GPR158: variants seen among roughly 807,000 people sequenced by gnomAD.
GPR158 encodes metabotropic glycine receptor.
A neutral mutation model predicts 78.2 loss-of-function variants in GPR158; 30 were observed. The ratio of observed to expected loss-of-function variants is 0.38; its 90% confidence interval spans 0.29 to 0.52. The LOEUF (loss-of-function observed/expected upper bound fraction) is 0.52. Ranked by LOEUF, GPR158 falls within the 20% of genes least tolerant of loss-of-function variation. The pLI, the probability that GPR158 is intolerant of heterozygous loss-of-function variation, is 0.83. For synonymous variants in GPR158, 581 were observed against 591.1 expected, an observed-to-expected ratio of 0.98 and a Z score of 0.25; for missense variants, 1,463 against 1,523.5, an observed-to-expected ratio of 0.96 and a Z score of 0.66.
intron 4 of GPR158, among the ~76,000 whole-genome samples, chr10:25,428,676 A>T (rs1834854950): frequency 1.3e-5 from 2 of 152,090 alleles, no homozygotes; most frequent in Admixed American, 1.3e-4. Flanking sequence ...GGACCATTTC[A>T]AGAGTTACCA....
At chr10:25,271,767 T>C (rs111982067) in intron 2 of GPR158, among the ~76,000 whole-genome samples, 2,472 of 152,172 alleles carry the variant, frequency 0.016, 63 homozygotes, top group African/African-American at 0.057. Context: ...GTTCAAGCAA[T>C]TCTCCTGCCT....
At chr10:25,518,338 G>A (rs1401070857) in intron 5 of GPR158, among the ~76,000 whole-genome samples, 5 of 84,010 alleles carry the variant, frequency 6.0e-5, no homozygotes, top group Non-Finnish European at 1.1e-4. Context: ...TGGATTCATT[G>A]ATTTTTTGAA....
At chr10:25,212,390 A>G (rs1276989274) in intron 1 of GPR158, among the ~76,000 whole-genome samples, 3 of 152,134 alleles carry the variant, frequency 2.0e-5, no homozygotes, top group Admixed American at 6.5e-5. Context: ...CACCATCACA[A>G]GAACAGCACT....
intron 1 of GPR158, among the ~76,000 whole-genome samples, chr10:25,183,590 T>C (rs904647005): frequency 1.3e-5 from 2 of 152,218 alleles, no homozygotes; most frequent in Admixed American, 6.5e-5. Flanking sequence ...TTCTATTTAA[T>C]TGAGATCCAA....
At chr10:25,477,637 T>C (rs1835606832) in intron 5 of GPR158, among the ~76,000 whole-genome samples, 1 of 152,080 alleles carries the variant, frequency 6.6e-6, no homozygotes, top group Admixed American at 6.6e-5. Context: ...CCATCTCACT[T>C]GGTGCCCTTT....
At chr10:25,295,572 C>G (rs977351783) in intron 2 of GPR158, among the ~76,000 whole-genome samples, 5 of 152,074 alleles carry the variant, frequency 3.3e-5, no homozygotes, top group Non-Finnish European at 7.4e-5. Context: ...CGCCACTACG[C>G]CCGGCTAATT....
intron 5 of GPR158, among the ~76,000 whole-genome samples, chr10:25,505,838 G>A (rs980956395): frequency 6.6e-6 from 1 of 151,976 alleles, no homozygotes; most frequent in Non-Finnish European, 1.5e-5. Context: ...GTCCTGTAAG[G>A]CTCAACTCAG....
chr10:25,489,944 C>T (rs2987838), intron 5 of GPR158, among the ~76,000 whole-genome samples: 70,059 of 151,946 alleles, frequency 0.46, 16,818 homozygotes, highest in East Asian at 0.8. Flanking sequence ...GAAAGATTTA[C>T]TGACTAGTAC....
At position 25,536,497 on chromosome 10, in the gene GPR158, G is replaced by A. The variant is rs116802843; in HGVS notation, c.1405-14479G>A. On this transcript the variant is annotated intron_variant, in intron 5 of 10. Transcript: ENST00000376351. ...AAGTCTCCAGTTTCTAATGGCCTTC[G>A]TTAACATCCCATTTACCAACTCTTG... 1.4e-3 allele frequency among the ~76,000 whole-genome samples: 216 copies of A among 152,214 alleles called. 1 individual carries two copies. Among genetic ancestry groups the A allele is most frequent in the African/African-American group, 4.8e-3 (200 of 41,540 alleles).
chr10:25,297,332 TCATAC>T, intron 2 of GPR158, among the ~76,000 whole-genome samples: 1 of 152,204 alleles, frequency 6.6e-6, no homozygotes, highest in African/African-American at 2.4e-5. Context: ...ATGACATCAG[TCATAC>T]AAGGTTTGAC....
In GPR158 at chr10:25,429,290, C is replaced by T. The variant is rs571037218; in HGVS notation, c.1335+16817C>T. 5.3e-5 allele frequency among the ~76,000 whole-genome samples: 8 copies of T among 152,048 alleles called. No individual in the cohort carries two copies. The East Asian group carries it at 7.7e-4, about 15-fold the overall frequency. Reference sequence around the variant, plus strand: ...ATTCTTACCAATTTTTACTTTTCTTCGAACAAATATGCATGGTATATGTCA... The same window carrying T: ...ATTCTTACCAATTTTTACTTTTCTTTGAACAAATATGCATGGTATATGTCA... On this transcript the variant is annotated intron_variant, in intron 4 of 10. Coordinates refer to ENST00000376351, the MANE Select transcript of GPR158 (RefSeq NM_020752.3).
chr10:25,436,959 A>G (rs1027501624), intron 4 of GPR158, among the ~76,000 whole-genome samples: 1 of 152,158 alleles, frequency 6.6e-6, no homozygotes, highest in Non-Finnish European at 1.5e-5. Flanking sequence ...AGCTACCCCT[A>G]AAGGAGGAGT....
chr10:25,250,744 G>A (rs7474756), intron 2 of GPR158, among the ~76,000 whole-genome samples: 107,132 of 126,684 alleles, frequency 0.85, 45,848 homozygotes, highest in African/African-American at 0.95. Context: ...TATGTGGTCA[G>A]TTTTGGAATA....
At chr10:25,483,878 T>A (rs1264188249) in intron 5 of GPR158, among the ~76,000 whole-genome samples, 1 of 152,212 alleles carries the variant, frequency 6.6e-6, no homozygotes, top group African/African-American at 2.4e-5. Flanking sequence ...GTCTGCTGCA[T>A]CTATTTCCAT....
intron 2 of GPR158, among the ~76,000 whole-genome samples, chr10:25,322,101 G>A (rs1032341891): frequency 3.9e-5 from 6 of 152,124 alleles, no homozygotes; most frequent in South Asian, 2.1e-4. Context: ...TCACAGATAC[G>A]GCCAGGCGCG....
chr10:25,455,827 A>G (rs1835283882), intron 4 of GPR158, among the ~76,000 whole-genome samples: 1 of 152,196 alleles, frequency 6.6e-6, no homozygotes, highest in Admixed American at 6.5e-5. Context: ...GACAACAAAA[A>G]TGTAAACAGG....
At chr10:25,260,630 G>A (rs1478240644) in intron 2 of GPR158, among the ~76,000 whole-genome samples, 1 of 151,298 alleles carries the variant, frequency 6.6e-6, no homozygotes, top group Non-Finnish European at 1.5e-5. Flanking sequence ...CTCATTTTAT[G>A]TTCTTAGGAT....
intron 1 of GPR158, among the ~76,000 whole-genome samples, chr10:25,200,859 T>G (rs1852914317): frequency 7.2e-6 from 1 of 138,944 alleles, no homozygotes; most frequent in Non-Finnish European, 1.5e-5. Context: ...TGTATCTGTT[T>G]TTTGTTTTGT....
intron 2 of GPR158, among the ~76,000 whole-genome samples, chr10:25,321,334 A>G (rs1048358804): frequency 6.6e-5 from 10 of 152,204 alleles, no homozygotes; most frequent in Non-Finnish European, 1.2e-4. Context: ...AGAGAATTGT[A>G]ATGATTAATA....
Sources: allele counts gnomAD v4.1 joint callset (sites outside exome capture counted in the v4.1 genomes callset), GRCh38; gene constraint gnomAD v4.1.1; transcripts MANE v1.5; gene names NCBI Gene and HGNC (gene_info 2026-07-23, HGNC 2026-07-21).